TMEM131: variants seen among roughly 807,000 people sequenced by gnomAD.
TMEM131 encodes 2610524E03Rik.
Under a neutral mutation model 211.6 loss-of-function variants are expected in TMEM131, and 66 were observed. The observed-to-expected ratio is 0.31, with a 90% CI of 0.26 to 0.38. The LOEUF (loss-of-function observed/expected upper bound fraction) is 0.38, where lower values mean the gene tolerates loss of function less well. Ranked by LOEUF, TMEM131 falls within the 10% of genes least tolerant of loss-of-function variation. The pLI, the probability that TMEM131 is intolerant of heterozygous loss-of-function variation, is 1.00. For synonymous variants in TMEM131, 844 were observed against 841.3 expected (o/e 1.00, Z -0.06); for missense variants, 2,036 against 2,299.3 (o/e 0.89, Z 2.34).
chr2:97,860,893 G>T (rs1275200564), intron 4 of TMEM131, among the ~76,000 whole-genome samples: 1 of 152,138 alleles, frequency 6.6e-6, no homozygotes, highest in African/African-American at 2.4e-5. Context: ...GGGTAGGGAA[G>T]AAAATCTTGA....
chr2:97,995,785 C>G lies in TMEM131; in HGVS notation c.-123G>C, dbSNP rs973072277. On this transcript the variant is annotated 5_prime_UTR_variant, in exon 1 of 41. Transcript: ENST00000186436. ...CGCCGGGAGCGACAACGGTTGCGAG[C>G]CCGGGGCTCGATCTCCGAGCGTGGG... 11 of 681,486 alleles carry G rather than the reference C, an allele frequency of 1.6e-5. No homozygotes were observed. The highest frequency in any genetic ancestry group is 2.1e-5 in the Non-Finnish European group (11 of 519,128). The allele number at this position is 681,486 out of a possible 1,614,324, so 42.2% of individuals were successfully genotyped here. A position where few individuals can be genotyped will look rare whatever the true frequency, so the allele number is the denominator to read the frequency against.
chr2:97,925,239 G>A (rs1311614082), intron 2 of TMEM131, among the ~76,000 whole-genome samples: 1 of 152,178 alleles, frequency 6.6e-6, no homozygotes, highest in African/African-American at 2.4e-5. Flanking sequence ...AATTATGCTT[G>A]TAAATGAAAG....
chr2:97,808,730 G>C (rs1402081376), intron 19 of TMEM131, among the ~76,000 whole-genome samples: 1 of 152,122 alleles, frequency 6.6e-6, no homozygotes, highest in African/African-American at 2.4e-5. Flanking sequence ...CAACTTATAA[G>C]GAAATATTTA....
At chr2:97,870,885 AT>A (rs1340121781) in intron 4 of TMEM131, among the ~76,000 whole-genome samples, 2 of 152,268 alleles carry the variant, frequency 1.3e-5, no homozygotes, top group Non-Finnish European at 2.9e-5. Context: ...TTGATGTAAA[AT>A]CTTTTATGGA....
chr2:97,811,959 A>G (rs1681567882), intron 17 of TMEM131, among the ~76,000 whole-genome samples: 3 of 152,234 alleles, frequency 2.0e-5, no homozygotes, highest in Admixed American at 1.3e-4. Context: ...TTTATTAGAC[A>G]GGTAAAAATA....
intron 3 of TMEM131, among the ~76,000 whole-genome samples, chr2:97,898,699 G>C (rs1675722398): frequency 6.6e-6 from 1 of 152,080 alleles, no homozygotes; most frequent in Non-Finnish European, 1.5e-5. Flanking sequence ...CCCAGTTTAT[G>C]GTATTTTGTT....
rs984434638 is a variant in TMEM131 at position 97,924,148 on chromosome 2, A to G, written c.249+3278T>C. 1.5e-4 allele frequency among the ~76,000 whole-genome samples: 23 copies of G among 151,878 alleles called. 1 individual carries two copies. Among genetic ancestry groups the G allele is most frequent in the Admixed American group, 1.4e-3 (21 of 15,264 alleles). The stretch of plus-strand genomic sequence containing the variant: ...ATCTGTAATCCCAGCACTTTGGGAG[A>G]CCAAGGCGAGAAGATGGCTTGAGGC... On this transcript the variant is annotated intron_variant, in intron 2 of 40. Transcript: ENST00000186436.
chr2:97,909,282 C>T (rs1250260105), intron 2 of TMEM131, among the ~76,000 whole-genome samples: 5 of 151,926 alleles, frequency 3.3e-5, no homozygotes, highest in Admixed American at 6.6e-5. Context: ...GAAAACAGCA[C>T]ATGTGAAGGC....
chr2:97,968,305 A>T (rs1679145224), intron 1 of TMEM131, among the ~76,000 whole-genome samples: 1 of 151,950 alleles, frequency 6.6e-6, no homozygotes, highest in African/African-American at 2.4e-5. Flanking sequence ...TTCCTTTATT[A>T]TATATATATT....
At chr2:97,971,257 A>G (rs1679281627) in intron 1 of TMEM131, among the ~76,000 whole-genome samples, 1 of 152,182 alleles carries the variant, frequency 6.6e-6, no homozygotes, top group African/African-American at 2.4e-5. Context: ...AATTGCTGAC[A>G]ATGTGGGGGA....
rs146634787 is a variant in TMEM131 at position 97,922,586 on chromosome 2, T to C, written c.249+4840A>G. On this transcript the variant is annotated intron_variant, in intron 2 of 40. Transcript: ENST00000186436. ...ACTCAACACATAATGCTGTGAATCTTAGAAACATAATGCTGAGAAAAAGGA... is the reference window on the plus strand; with the variant it reads ...ACTCAACACATAATGCTGTGAATCTCAGAAACATAATGCTGAGAAAAAGGA... 6.6e-5 allele frequency among the ~76,000 whole-genome samples: 10 copies of C among 152,026 alleles called. No individual in the cohort carries two copies. In the East Asian group the frequency reaches 1.7e-3, roughly 26 times the overall value.
intron 11 of TMEM131, among the ~76,000 whole-genome samples, chr2:97,828,100 G>A (rs575831609): frequency 1.9e-4 from 29 of 152,288 alleles, no homozygotes; most frequent in African/African-American, 7.0e-4. Context: ...ATTTGAATAT[G>A]TAGTGTACGT....
chr2:97,924,320 T>C (rs1013363944), intron 2 of TMEM131, among the ~76,000 whole-genome samples: 4 of 152,008 alleles, frequency 2.6e-5, no homozygotes, highest in Non-Finnish European at 5.9e-5. Flanking sequence ...GAGGTCAAGG[T>C]TGCAGTGAGC....
intron 4 of TMEM131, among the ~76,000 whole-genome samples, chr2:97,873,650 C>A (rs1173918483): frequency 6.6e-6 from 1 of 152,210 alleles, no homozygotes; most frequent in Non-Finnish European, 1.5e-5. Flanking sequence ...AGACCAGCAG[C>A]AGAGGAGCCT....
intron 3 of TMEM131, among the ~76,000 whole-genome samples, 153 bp downstream of exon 3, chr2:97,908,505 C>T (rs577784423): frequency 6.6e-6 from 1 of 152,256 alleles, no homozygotes; most frequent in South Asian, 2.1e-4. Flanking sequence ...ACCTGGTTTC[C>T]CACACACAAC....
intron 7 of TMEM131, among the ~76,000 whole-genome samples, chr2:97,839,470 A>G (rs1387420433): frequency 1.3e-5 from 2 of 152,254 alleles, no homozygotes; most frequent in Non-Finnish European, 2.9e-5. Flanking sequence ...TAATTACACT[A>G]AAACTAGGAA....
At chr2:97,981,148 G>A (rs1482508583) in intron 1 of TMEM131, among the ~76,000 whole-genome samples, 1 of 146,516 alleles carries the variant, frequency 6.8e-6, no homozygotes, top group Admixed American at 6.9e-5. Context: ...ATATACTTTG[G>A]AAATCACTAA....
chr2:97,867,529 T>A (rs2105209220), intron 4 of TMEM131, among the ~76,000 whole-genome samples: 1 of 152,334 alleles, frequency 6.6e-6, no homozygotes, highest in South Asian at 2.1e-4. Flanking sequence ...CAAGTAGTGG[T>A]CACTGGGGAA....
intron 2 of TMEM131, among the ~76,000 whole-genome samples, chr2:97,915,163 C>G (rs6709571): frequency 0.75 from 114,306 of 152,206 alleles, 44,628 homozygotes; most frequent in African/African-American, 0.87. Context: ...GTGTGCTCAT[C>G]TCTTTTCCCT....
Sources: allele counts gnomAD v4.1 joint callset (sites outside exome capture counted in the v4.1 genomes callset), GRCh38; gene constraint gnomAD v4.1.1; transcripts MANE v1.5; gene names NCBI Gene and HGNC (gene_info 2026-07-23, HGNC 2026-07-21).